The following NCALD variants were observed in gnomAD, a reference collection of about 807,000 sequenced individuals.
The protein encoded by NCALD is neurocalcin delta.
A neutral mutation model predicts 18.6 loss-of-function variants in NCALD; 10 were observed. That is an observed-to-expected ratio of 0.54 (90% CI 0.33 to 0.91). The LOEUF (loss-of-function observed/expected upper bound fraction) is 0.91. Ranked by LOEUF, NCALD falls within the 40% of genes least tolerant of loss-of-function variation. The probability of loss-of-function intolerance (pLI) is 0.03; values close to 1 mark genes in which losing one functional copy is unlikely to be tolerated. For missense variants in NCALD, 184 were observed against 247.6 expected (o/e 0.74, Z 1.72); for synonymous variants, 88 against 87.4 (o/e 1.01, Z -0.04).
At chr8:101,991,811 A>G (rs986348913) in intron 2 of NCALD, among the ~76,000 whole-genome samples, 131 of 152,316 alleles carry the variant, frequency 8.6e-4, no homozygotes, top group African/African-American at 3.0e-3. Flanking sequence ...GGTGCCATGG[A>G]GGACCCAGAA....
At chr8:102,017,988 A>C (rs1042163441) in intron 2 of NCALD, among the ~76,000 whole-genome samples, 1 of 152,218 alleles carries the variant, frequency 6.6e-6, no homozygotes, top group African/African-American at 2.4e-5. Context: ...AGGACATGAA[A>C]AGGTGTTCAA....
At chr8:102,016,240 C>G (rs13261834) in intron 2 of NCALD, among the ~76,000 whole-genome samples, 1 of 152,130 alleles carries the variant, frequency 6.6e-6, no homozygotes, top group African/African-American at 2.4e-5. Flanking sequence ...GAAACTCTCT[C>G]CCACACAAAA....
upstream of NCALD, among the ~76,000 whole-genome samples, chr8:101,792,760 C>T (rs1295125810): frequency 6.6e-6 from 1 of 152,216 alleles, no homozygotes; most frequent in East Asian, 1.9e-4. Context: ...AATTTACCAT[C>T]TCTCTGGCTC....
chr8:101,906,865 T>C (rs1240612921), intron 3 of NCALD, among the ~76,000 whole-genome samples: 2 of 152,174 alleles, frequency 1.3e-5, no homozygotes, highest in African/African-American at 4.8e-5. Context: ...AGATTTAAGG[T>C]GGTGCCACAA....
At chr8:101,960,539 G>C (rs140481501) in intron 2 of NCALD, among the ~76,000 whole-genome samples, 1,841 of 152,238 alleles carry the variant, frequency 0.012, 20 homozygotes, top group Non-Finnish European at 0.013. Context: ...CTCAGCATGG[G>C]ATTTGGAGTT....
chr8:101,989,720 T>C (rs1317576422), intron 2 of NCALD, among the ~76,000 whole-genome samples: 1 of 152,214 alleles, frequency 6.6e-6, no homozygotes, highest in Admixed American at 6.5e-5. Context: ...AAAACTCCTT[T>C]AGTTTCCTTG....
At chr8:101,857,753 A>C (rs1319686431) in intron 4 of NCALD, among the ~76,000 whole-genome samples, 4 of 152,182 alleles carry the variant, frequency 2.6e-5, no homozygotes, top group African/African-American at 9.6e-5. Flanking sequence ...TTTGGGGGAA[A>C]TTATAAGTTA....
chr8:101,968,760 A>G (rs1820128697), intron 2 of NCALD, among the ~76,000 whole-genome samples: 1 of 152,168 alleles, frequency 6.6e-6, no homozygotes, highest in Non-Finnish European at 1.5e-5. Flanking sequence ...TCCAAACAGC[A>G]TATGCCTTCT....
upstream of NCALD, among the ~76,000 whole-genome samples, chr8:101,795,854 A>C (rs1379675622): frequency 6.6e-6 from 1 of 152,234 alleles, no homozygotes; most frequent in African/African-American, 2.4e-5. Flanking sequence ...CAGAGAGAAA[A>C]AAATGGAATC....
chr8:102,009,685 T>A (rs996710784), intron 2 of NCALD, among the ~76,000 whole-genome samples: 1 of 152,224 alleles, frequency 6.6e-6, no homozygotes, highest in Non-Finnish European at 1.5e-5. Context: ...GTAAATATAC[T>A]TTTTATTCTC....
At chr8:101,864,258 GCTAA>G (rs751790107) in intron 4 of NCALD, among the ~76,000 whole-genome samples, 36 of 152,204 alleles carry the variant, frequency 2.4e-4, no homozygotes, top group African/African-American at 4.8e-4. Context: ...CTTTCAAGAG[GCTAA>G]CTGTGTGCAA....
intron 2 of NCALD, among the ~76,000 whole-genome samples, chr8:101,935,171 T>C (rs1319210684): frequency 6.6e-6 from 1 of 150,980 alleles, no homozygotes; most frequent in Non-Finnish European, 1.5e-5. Context: ...ATGTGAAAAT[T>C]ACAAGGCAAA....
chr8:101,739,964 T>C (rs770314158), intron 1 of NCALD, among the ~76,000 whole-genome samples: 2 of 152,216 alleles, frequency 1.3e-5, no homozygotes, highest in African/African-American at 2.4e-5. Context: ...CATGAGGCCA[T>C]TGATTTGGGT....
chr8:101,735,168 T>A (rs1817019302), intron 1 of NCALD, among the ~76,000 whole-genome samples: 1 of 152,096 alleles, frequency 6.6e-6, no homozygotes, highest in Non-Finnish European at 1.5e-5. Context: ...GAGGAAAACA[T>A]AAATCAGGTA....
At chr8:101,835,003 G>T (rs531187606) in intron 4 of NCALD, among the ~76,000 whole-genome samples, 1 of 152,310 alleles carries the variant, frequency 6.6e-6, no homozygotes, top group African/African-American at 2.4e-5. Context: ...TTTGTAACTG[G>T]TTCCTATCTG....
chr8:101,730,806 G>A (rs915228288), intron 1 of NCALD, among the ~76,000 whole-genome samples: 1 of 152,196 alleles, frequency 6.6e-6, no homozygotes, highest in Non-Finnish European at 1.5e-5. Context: ...TTATTGCAAA[G>A]AGGTTCTTCA....
chr8:102,082,541 A>G (rs1030590662), intron 1 of NCALD, among the ~76,000 whole-genome samples: 1 of 152,110 alleles, frequency 6.6e-6, no homozygotes, highest in African/African-American at 2.4e-5. Flanking sequence ...TCCAACTCCC[A>G]TTCCAGATGG....
intron 1 of NCALD, among the ~76,000 whole-genome samples, chr8:102,033,404 T>C (rs1038365397): frequency 1.3e-5 from 2 of 152,178 alleles, no homozygotes; most frequent in Admixed American, 6.5e-5. Context: ...ATATCTATAA[T>C]ACATGGGTCA....
At chr8:101,756,363 T>C (rs1376358077) in intron 1 of NCALD, among the ~76,000 whole-genome samples, 1 of 152,196 alleles carries the variant, frequency 6.6e-6, no homozygotes, top group African/African-American at 2.4e-5. Flanking sequence ...CTCTCCTGGC[T>C]GGCACATTCT....
Sources: gnomAD v4.1 joint callset for allele counts (sites outside exome capture counted in the v4.1 genomes callset) on GRCh38, gnomAD v4.1.1 for gene constraint, MANE v1.5 for transcripts, NCBI Gene and HGNC (gene_info 2026-07-23, HGNC 2026-07-21) for gene names.